Variants in DDX24 observed in about 807,000 individuals in gnomAD.
The protein encoded by DDX24 is ATP-dependent RNA helicase DDX24.
DDX24 carries 24 observed loss-of-function variants against 68.9 expected under a neutral mutation model. That is an observed-to-expected ratio of 0.35 (90% CI 0.25 to 0.49). The LOEUF (loss-of-function observed/expected upper bound fraction) is 0.49, where lower values mean the gene tolerates loss of function less well. Among genes scored for constraint, DDX24 ranks in the 20% least tolerant of loss-of-function variants. DDX24 has a pLI of 0.99. For synonymous variants in DDX24, 395 were observed against 385.2 expected (o/e 1.03, Z -0.30); for missense variants, 989 against 1,039.0 (o/e 0.95, Z 0.66).
rs1885340373 is a variant in DDX24 at position 94,049,171 on chromosome 14, A to G, written c.*2020T>C. The G allele has an allele frequency of 6.6e-6, 1 of 152,252 alleles. No homozygotes were observed. Among genetic ancestry groups the G allele is most frequent in the African/African-American group, 2.4e-5 (1 of 41,458 alleles). The allele number at this position is 152,252 out of a possible 1,614,324, so 9.4% of individuals were successfully genotyped here. On this transcript the variant is annotated 3_prime_UTR_variant, in exon 9 of 9. Transcript: ENST00000621632. Reference sequence around the variant, plus strand: ...CTACGTATTAGCTCCTCCACCAAGGAAAAGAATTTGCTGTTAGATGGCTAG... The same window carrying G: ...CTACGTATTAGCTCCTCCACCAAGGGAAAGAATTTGCTGTTAGATGGCTAG...
chr14:94,061,084 T>C lies in DDX24; in HGVS notation c.1244-18A>G. On this transcript the variant is annotated intron_variant, in intron 3 of 8. Coordinates refer to ENST00000621632, the MANE Select transcript of DDX24 (RefSeq NM_020414.4). ...TTTAATTCCTATGGGACAGAAAACA[T>C]AAGGGACACTTATTCAATCTGGGTG... 6.2e-7 allele frequency: 1 copy of C among 1,612,096 alleles called. No homozygotes were observed. Among genetic ancestry groups the C allele is most frequent in the Non-Finnish European group, 8.5e-7 (1 of 1,178,816 alleles).
intron 2 of DDX24, among the ~76,000 whole-genome samples, chr14:94,074,622 T>C (rs575048122): frequency 6.6e-6 from 1 of 152,318 alleles, no homozygotes; most frequent in South Asian, 2.1e-4. Flanking sequence ...GACTTAATGG[T>C]GAAAGACTAA....
Position 94,051,269 on chromosome 14 carries a change from G to C in DDX24, c.2502C>G (p.Ser834=). The C allele has an allele frequency of 1.9e-6, 3 of 1,606,998 alleles. No individual in the cohort carries two copies. Among genetic ancestry groups the C allele is most frequent in the Non-Finnish European group, 1.7e-6 (2 of 1,176,962 alleles). ...SKSESALSCL[S]KQKKKKTKKP... is the part of the protein sequence containing the mutation. ...TCTTTGTCTTCTTCTTCTTCTGCTT[G>C]GAGAGACAGCTCAAAGCAGACTCGC... The change falls in exon 9 of 9, where the codon TCC becomes TCG. Residue 834 remains serine, a synonymous_variant. Coordinates refer to ENST00000621632, the MANE Select transcript of DDX24 (RefSeq NM_020414.4).
At chr14:94,075,835 G>A (rs933439717) in intron 2 of DDX24, among the ~76,000 whole-genome samples, 1 of 152,124 alleles carries the variant, frequency 6.6e-6, no homozygotes, top group African/African-American at 2.4e-5. Flanking sequence ...TTTTAAAAAT[G>A]GGCAAAATAA....
chr14:94,049,503 G>A lies in DDX24; in HGVS notation c.*1688C>T, dbSNP rs2141418088. Reference sequence around the variant, plus strand: ...TCTGAACTTGTCCTGGGCCCAGAAGGAAGATACTAATCCCACCTCTGCTAC... The same window carrying A: ...TCTGAACTTGTCCTGGGCCCAGAAGAAAGATACTAATCCCACCTCTGCTAC... On this transcript the variant is annotated 3_prime_UTR_variant, in exon 9 of 9. Transcript: ENST00000621632. The A allele has an allele frequency of 6.6e-6, 1 of 152,270 alleles. No homozygotes were observed. The highest frequency in any genetic ancestry group is 2.4e-5 in the African/African-American group (1 of 41,510). 9.4% of individuals were successfully genotyped at this position (152,270 alleles called of 1,614,324 possible).
In DDX24 at chr14:94,060,220, G is replaced by A. The variant is rs779841159; in HGVS notation, c.1791C>T (p.Ile597=). The change falls in exon 5 of 9, where the codon ATC becomes ATT. Residue 597 remains isoleucine, a synonymous_variant. Coordinates refer to ENST00000621632, the MANE Select transcript of DDX24 (RefSeq NM_020414.4). ...GCCCAGAGAGGCGTTTGATGCAGGA[G>A]ATACTGTTGGCAAACACTAAGCTGC... ...PGRSLVFANS[I]SCIKRLSGLL... is the part of the protein sequence containing the mutation. 1.2e-5 allele frequency: 20 copies of A among 1,614,084 alleles called. No homozygotes were observed. In the East Asian group the frequency reaches 4.5e-4, roughly 36 times the overall value.
chr14:94,065,360 G>C (rs1460093414), intron 2 of DDX24, among the ~76,000 whole-genome samples: 4 of 110,526 alleles, frequency 3.6e-5, no homozygotes, highest in Admixed American at 9.1e-5. Context: ...CGTATGGGTA[G>C]ATCTTAATAG....
intron 8 of DDX24, 55 bp downstream of exon 8, chr14:94,052,942 CA>C: frequency 6.4e-7 from 1 of 1,565,858 alleles, no homozygotes; most frequent in Non-Finnish European, 8.7e-7. Context: ...TCCAACAAAG[CA>C]AAAGTTAAAG....
Position 94,053,137 on chromosome 14 carries a change from A to T in DDX24, c.2179-10T>A. The T allele has an allele frequency of 6.2e-7, 1 of 1,613,918 alleles. No individual in the cohort carries two copies. The highest frequency in any genetic ancestry group is 8.5e-7 in the Non-Finnish European group (1 of 1,179,932). On this transcript the variant is annotated splice_polypyrimidine_tract_variant and intron_variant, in intron 7 of 8. Coordinates refer to ENST00000621632, the MANE Select transcript of DDX24 (RefSeq NM_020414.4). ...CTAAACGGATTCGCTCCTGGGGGGA[A>T]GTAACAGAAAATATTCATCTGAAAT... is the stretch of plus-strand genomic sequence containing the variant.
intron 5 of DDX24, among the ~76,000 whole-genome samples, chr14:94,059,578 T>C (rs941554430): frequency 6.6e-6 from 1 of 152,256 alleles, no homozygotes; most frequent in African/African-American, 2.4e-5. Context: ...CTAAACACTT[T>C]ACACGCATGA....
At chr14:94,063,333 T>C (rs1187391425) in intron 2 of DDX24, among the ~76,000 whole-genome samples, 1 of 151,820 alleles carries the variant, frequency 6.6e-6, no homozygotes, top group African/African-American at 2.4e-5. Context: ...AAACTTTTGA[T>C]AAGAAGAACA....
At chr14:94,075,772 A>T (rs4905154) in intron 2 of DDX24, among the ~76,000 whole-genome samples, 48,417 of 152,156 alleles carry the variant, frequency 0.32, 7,884 homozygotes, top group Admixed American at 0.39. Context: ...GATAAAGGAC[A>T]TGTATCTAGA....
chr14:94,077,889 A>G (rs954397978), intron 2 of DDX24, among the ~76,000 whole-genome samples: 1 of 152,002 alleles, frequency 6.6e-6, no homozygotes, highest in African/African-American at 2.4e-5. Context: ...AAAAAAGAAC[A>G]TAAAATATCT....
At chr14:94,072,028 T>C (rs1885842443) in intron 2 of DDX24, among the ~76,000 whole-genome samples, 1 of 152,050 alleles carries the variant, frequency 6.6e-6, no homozygotes, top group South Asian at 2.1e-4. Context: ...GTATAGCCAC[T>C]ATGGAAAACA....
Position 94,050,687 on chromosome 14 carries a change from G to A in DDX24, c.*504C>T, listed in dbSNP as rs1203674298. Reference sequence around the variant, plus strand: ...GTGGAGAGAGCTAAGGAGCTATTAGGGTGCTGCTCTGGGTAAAGCAGGAAC... The same window carrying A: ...GTGGAGAGAGCTAAGGAGCTATTAGAGTGCTGCTCTGGGTAAAGCAGGAAC... On this transcript the variant is annotated 3_prime_UTR_variant, in exon 9 of 9. Coordinates refer to ENST00000621632, the MANE Select transcript of DDX24 (RefSeq NM_020414.4). 1 of 153,138 alleles carries A rather than the reference G, an allele frequency of 6.5e-6. No individual in the cohort carries two copies. 9.5% of individuals were successfully genotyped at this position (153,138 alleles called of 1,614,324 possible).
chr14:94,063,864 C>CT (rs770000711), intron 2 of DDX24, among the ~76,000 whole-genome samples: 22 of 152,190 alleles, frequency 1.4e-4, no homozygotes, highest in Non-Finnish European at 2.6e-4. Flanking sequence ...GATCGTGCCA[C>CT]TGCACTCCAG....
chr14:94,058,844 C>A (rs1885538090), intron 5 of DDX24, among the ~76,000 whole-genome samples: 1 of 152,194 alleles, frequency 6.6e-6, no homozygotes, highest in Non-Finnish European at 1.5e-5. Flanking sequence ...GCTTTGTGAA[C>A]CACACAGTCT....
At position 94,062,401 on chromosome 14, in the gene DDX24, A is replaced by C. The variant is rs1198749925; in HGVS notation, c.939T>G (p.Ile313Met). ...VIESEALPSD[I>M]AAEARAKTGG... ...CAGTCTTGGCTCTGGCCTCGGCTGC[A>C]ATATCACTGGGCAGTGCTTCACTCT... Residue 313 changes from isoleucine to methionine, a missense_variant, in exon 3 of 9, where the codon ATT (isoleucine) becomes ATG (methionine). Physicochemically the swap from Ile to Met is conservative, Grantham distance 10. Coordinates refer to ENST00000621632, the MANE Select transcript of DDX24 (RefSeq NM_020414.4). 1.2e-6 allele frequency: 2 copies of C among 1,614,096 alleles called. No individual in the cohort carries two copies. The highest frequency in any genetic ancestry group is 2.2e-5 in the South Asian group (2 of 91,082).
chr14:94,053,043 C>G lies in DDX24; in HGVS notation c.2263G>C (p.Ala755Pro), dbSNP rs1190073394. ...AGCTCAATCTCCAGGGCAGCTGCTGCCTGCTCAATCCAAGAGTTGTGCAGG... is the reference window on the plus strand; with the variant it reads ...AGCTCAATCTCCAGGGCAGCTGCTGGCTGCTCAATCCAAGAGTTGTGCAGG... ...ACLHNSWIEQ[A>P]AAALEIELEE... Residue 755 changes from alanine to proline, a missense_variant, in exon 8 of 9, where the codon GCA (alanine) becomes CCA (proline). This residue lies in a region of DDX24 where 691 missense variants were observed against 760.0 expected (regional missense o/e 0.91). Transcript: ENST00000621632. 6.2e-7 allele frequency: 1 copy of G among 1,614,074 alleles called. No individual in the cohort carries two copies. Among genetic ancestry groups the G allele is most frequent in the Non-Finnish European group, 8.5e-7 (1 of 1,180,032 alleles).
Sources: gnomAD v4.1 joint callset for allele counts (sites outside exome capture counted in the v4.1 genomes callset) on GRCh38, gnomAD v4.1.1 for gene constraint, gnomAD v4.1.1 regional missense constraint, MANE v1.5 for transcripts, NCBI Gene and HGNC (gene_info 2026-07-23, HGNC 2026-07-21) for gene names.